The following TMEM123 variants were observed in gnomAD, a reference collection of about 807,000 sequenced individuals.
TMEM123 encodes the protein porimin.
TMEM123 carries 16 observed loss-of-function variants against 19.7 expected under a neutral mutation model. That is an observed-to-expected ratio of 0.81 (90% CI 0.55 to 1.23). TMEM123 has a LOEUF of 1.23. Ranked by LOEUF, TMEM123 falls within the 50% of genes most tolerant of loss-of-function variation. The pLI, the probability that TMEM123 is intolerant of heterozygous loss-of-function variation, is 0.00. For missense variants in TMEM123, 313 were observed against 257.8 expected, an observed-to-expected ratio of 1.21 and a Z score of -1.47; for synonymous variants, 118 against 99.4, an observed-to-expected ratio of 1.19 and a Z score of -1.12.
At chr11:102,434,692 T>A (rs1365449841) in intron 2 of TMEM123, among the ~76,000 whole-genome samples, 1 of 151,966 alleles carries the variant, frequency 6.6e-6, no homozygotes, top group Non-Finnish European at 1.5e-5. Flanking sequence ...TATTTTTTTC[T>A]AGTAGTTTTA....
At position 102,396,873 on chromosome 11, in the gene TMEM123, A is replaced by G. The variant is rs1258913183; in HGVS notation, c.*1994T>C. On this transcript the variant is annotated 3_prime_UTR_variant, in exon 5 of 5. Coordinates refer to ENST00000398136, the MANE Select transcript of TMEM123 (RefSeq NM_052932.3). ...GTGGTTTTTCTATCTTCAAAGTGCTAAAGAAACAAGTATTCAAAAAGAAAC... is the reference window on the plus strand; with the variant it reads ...GTGGTTTTTCTATCTTCAAAGTGCTGAAGAAACAAGTATTCAAAAAGAAAC... 1.3e-5 allele frequency: 2 copies of G among 152,230 alleles called. No individual in the cohort carries two copies. The highest frequency in any genetic ancestry group is 1.3e-4 in the Admixed American group (2 of 15,282). The allele number at this position is 152,230 out of a possible 1,614,324, so 9.4% of individuals were successfully genotyped here. A position where few individuals can be genotyped will look rare whatever the true frequency, so the allele number is the denominator to read the frequency against.
chr11:102,452,465 A>AAG, intron 1 of TMEM123, 59 bp downstream of exon 1: 3 of 1,350,800 alleles, frequency 2.2e-6, no homozygotes, highest in Non-Finnish European at 2.9e-6. Flanking sequence ...TTGGGAACCC[A>AAG]AGCCTCGGCA....
At chr11:102,413,645 C>G (rs879499863) in intron 2 of TMEM123, among the ~76,000 whole-genome samples, 10 of 152,198 alleles carry the variant, frequency 6.6e-5, no homozygotes, top group Non-Finnish European at 1.3e-4. Context: ...CCCCTGAAAG[C>G]ATTCTGAAAT....
chr11:102,400,052 T>C (rs940673878), intron 4 of TMEM123, among the ~76,000 whole-genome samples: 2 of 152,266 alleles, frequency 1.3e-5, no homozygotes, highest in African/African-American at 4.8e-5. Context: ...TTTTCATTTA[T>C]GATGCGATGT....
chr11:102,417,331 T>C (rs1952050613), intron 2 of TMEM123, among the ~76,000 whole-genome samples: 1 of 152,096 alleles, frequency 6.6e-6, no homozygotes, highest in South Asian at 2.1e-4. Flanking sequence ...CAGAAATCAG[T>C]AACATTTCTA....
intron 2 of TMEM123, among the ~76,000 whole-genome samples, chr11:102,441,162 G>A (rs188044420): frequency 9.9e-5 from 15 of 152,084 alleles, no homozygotes; most frequent in Admixed American, 5.2e-4. Context: ...AAGGATATCC[G>A]GGACTTGAAC....
At chr11:102,432,408 T>C (rs910434876) in intron 2 of TMEM123, among the ~76,000 whole-genome samples, 2 of 152,226 alleles carry the variant, frequency 1.3e-5, no homozygotes, top group African/African-American at 4.8e-5. Flanking sequence ...ACTCTTGCTA[T>C]GCTTTAGCAA....
In TMEM123 at chr11:102,402,056, A is replaced by C. The variant is rs779763660; in HGVS notation, c.308T>G (p.Val103Gly). The change falls in exon 3 of 5, where the codon GTC becomes GGC. Residue 103 changes from valine (V) to glycine (G), a missense_variant. Physicochemically the swap from Val to Gly is moderately radical, Grantham distance 109. Transcript: ENST00000398136. Reference sequence around the variant, plus strand: ...GGTGGTAGAAGTCATATTTGTTGAGACCATCCCTGGTGTTGTTGTATTAGA... The same window carrying C: ...GGTGGTAGAAGTCATATTTGTTGAGCCCATCCCTGGTGTTGTTGTATTAGA... ...AASNTTTPGM[V>G]STNMTSTTLK... The C allele has an allele frequency of 9.3e-6, 15 of 1,613,572 alleles. No homozygotes were observed. Among genetic ancestry groups the C allele is most frequent in the Non-Finnish European group, 1.3e-5 (15 of 1,179,876 alleles).
rs1180121940 is a variant in TMEM123, at chr11:102,397,685, T to C, written c.*1182A>G. 6.6e-6 allele frequency: 1 copy of C among 152,004 alleles called. No homozygotes were observed. Among genetic ancestry groups the C allele is most frequent in the Non-Finnish European group, 1.5e-5 (1 of 67,888 alleles). The allele number at this position is 152,004 out of a possible 1,614,324, so 9.4% of individuals were successfully genotyped here. A position where few individuals can be genotyped will look rare whatever the true frequency, so the allele number is the denominator to read the frequency against. On this transcript the variant is annotated 3_prime_UTR_variant, in exon 5 of 5. Transcript: ENST00000398136. ...CCTCTCAAAACTTTCTAAGAATTTATTCTAAAATATTTTGGTGTTTGTTTT... is the reference window on the plus strand; with the variant it reads ...CCTCTCAAAACTTTCTAAGAATTTACTCTAAAATATTTTGGTGTTTGTTTT...
rs950345000 is a variant in TMEM123 at position 102,428,611 on chromosome 11, CA to C, written c.157+20200del. 1.8e-3 allele frequency among the ~76,000 whole-genome samples: 258 copies of C among 141,988 alleles called. 1 individual carries two copies. Among genetic ancestry groups the C allele is most frequent in the East Asian group, 4.2e-3 (21 of 4,980 alleles). 93.1% of individuals were successfully genotyped at this position (141,988 alleles called of 152,430 possible). On this transcript the variant is annotated intron_variant, in intron 2 of 4. Transcript: ENST00000398136. ...TGTAAGCCAGTGTGCCCGGCCCCCC[CA>C]AAAAAAAAAAGTCATTTTAAAGAAG...
At chr11:102,427,067 GTTTT>G (rs1352477742) in intron 2 of TMEM123, among the ~76,000 whole-genome samples, 3 of 138,730 alleles carry the variant, frequency 2.2e-5, no homozygotes, top group Admixed American at 1.4e-4. Context: ...TGTTTTGCGG[GTTTT>G]TTTTTTTTTG....
At chr11:102,418,406 C>G (rs1952058845) in intron 2 of TMEM123, among the ~76,000 whole-genome samples, 1 of 152,012 alleles carries the variant, frequency 6.6e-6, no homozygotes, top group Admixed American at 6.6e-5. Context: ...ATGCAGCCAA[C>G]AAGCATATTA....
At chr11:102,402,684 C>T (rs1418260769) in intron 2 of TMEM123, among the ~76,000 whole-genome samples, 1 of 152,202 alleles carries the variant, frequency 6.6e-6, no homozygotes, top group African/African-American at 2.4e-5. Context: ...TCTAACCCTC[C>T]TGGTAGAATG....
At chr11:102,410,020 A>C (rs11225247) in intron 2 of TMEM123, among the ~76,000 whole-genome samples, 11,832 of 152,278 alleles carry the variant, frequency 0.078, 531 homozygotes, top group African/African-American at 0.12. Flanking sequence ...ACTAAAATTT[A>C]AAAAGGGAAA....
intron 2 of TMEM123, among the ~76,000 whole-genome samples, chr11:102,420,035 G>T (rs1234522656): frequency 6.6e-6 from 1 of 152,290 alleles, no homozygotes; most frequent in Admixed American, 6.5e-5. Flanking sequence ...ATACTGGAAG[G>T]CAATGGGGAA....
chr11:102,441,976 A>G (rs545440806), intron 2 of TMEM123, among the ~76,000 whole-genome samples: 54 of 152,342 alleles, frequency 3.5e-4, no homozygotes, highest in African/African-American at 1.1e-3. Context: ...TCCTGGACAC[A>G]TACACCCTCC....
At chr11:102,427,162 GAC>G (rs1952135840) in intron 2 of TMEM123, among the ~76,000 whole-genome samples, 1 of 150,450 alleles carries the variant, frequency 6.6e-6, no homozygotes, top group African/African-American at 2.4e-5. Context: ...CTAGCTCACT[GAC>G]AAACATTGTT....
At chr11:102,414,978 G>T (rs1952032812) in intron 2 of TMEM123, among the ~76,000 whole-genome samples, 1 of 152,002 alleles carries the variant, frequency 6.6e-6, no homozygotes, top group South Asian at 2.1e-4. Flanking sequence ...GACACCCACG[G>T]GCTCAAAATA....
chr11:102,445,177 T>G (rs1354081287), intron 2 of TMEM123, among the ~76,000 whole-genome samples: 2 of 152,098 alleles, frequency 1.3e-5, no homozygotes, highest in Non-Finnish European at 2.9e-5. Flanking sequence ...TAAAAAAAAA[T>G]TACCATCAAT....
Sources: allele counts gnomAD v4.1 joint callset (sites outside exome capture counted in the v4.1 genomes callset), GRCh38; gene constraint gnomAD v4.1.1; transcripts MANE v1.5; gene names NCBI Gene and HGNC (gene_info 2026-07-23, HGNC 2026-07-21).